The following PSG6 variants were observed in gnomAD, a reference collection of about 807,000 sequenced individuals.
PSG6 encodes the protein pregnancy specific beta-1-glycoprotein 6, also known as pregnancy-specific beta-1-glycoprotein 6.
PSG6 carries 51 observed loss-of-function variants against 43.3 expected under a neutral mutation model. The observed-to-expected ratio is 1.18, with a 90% CI of 0.94 to 1.49. The LOEUF (loss-of-function observed/expected upper bound fraction) is 1.49, where lower values mean the gene tolerates loss of function less well. Among genes scored for constraint, PSG6 ranks in the 40% most tolerant of loss-of-function variants. The probability of loss-of-function intolerance (pLI) is 0.00; values close to 1 mark genes in which losing one functional copy is unlikely to be tolerated. For missense variants in PSG6, 770 were observed against 522.2 expected (o/e 1.47, Z -4.62); for synonymous variants, 292 against 197.6 (o/e 1.48, Z -4.01).
At chr19:42,902,574 T>G in intron 5 of PSG6, 128 bp from the exon 6 acceptor site, 1 of 1,298,530 alleles carries the variant, frequency 7.7e-7, no homozygotes, top group Non-Finnish European at 1.1e-6. Context: ...TCTCTTTAAC[T>G]CCAATGGGTG....
intron 5 of PSG6, 142 bp downstream of exon 5, chr19:42,906,780 G>A (rs1359905294): frequency 6.3e-7 from 1 of 1,591,592 alleles, no homozygotes; most frequent in East Asian, 2.2e-5. Flanking sequence ...AGATAAGTTG[G>A]GAGGGTTCAG....
intron 5 of PSG6, among the ~76,000 whole-genome samples, chr19:42,902,728 A>G (rs1416317082): frequency 6.6e-6 from 1 of 150,736 alleles, no homozygotes; most frequent in South Asian, 2.1e-4. Flanking sequence ...TGCCTGCCCC[A>G]CATTCCCTCA....
At chr19:42,912,715 A>G (rs1972250388) in intron 2 of PSG6, among the ~76,000 whole-genome samples, 1 of 151,814 alleles carries the variant, frequency 6.6e-6, no homozygotes, top group South Asian at 2.1e-4. Flanking sequence ...GTCAGGAAAC[A>G]CCACTAAAAT....
chr19:42,917,395 G>A (rs562246341), intron 1 of PSG6, among the ~76,000 whole-genome samples: 15 of 125,148 alleles, frequency 1.2e-4, no homozygotes, highest in Middle Eastern at 5.0e-3. Flanking sequence ...ATGGAGTCTC[G>A]TACTGTCACC....
At chr19:42,909,142 A>C (rs1278036856) in intron 3 of PSG6, among the ~76,000 whole-genome samples, 1 of 151,698 alleles carries the variant, frequency 6.6e-6, no homozygotes, top group African/African-American at 2.4e-5. Flanking sequence ...TTCAGTGAGC[A>C]TTTCTTTTCA....
intron 3 of PSG6, among the ~76,000 whole-genome samples, chr19:42,908,312 T>G (rs1189954008): frequency 6.6e-6 from 1 of 151,720 alleles, no homozygotes. Context: ...GACTTCCCAT[T>G]GTCCTGAAAC....
intron 5 of PSG6, chr19:42,906,667 C>T: frequency 7.1e-7 from 1 of 1,416,954 alleles, no homozygotes; most frequent in African/African-American, 1.5e-5. Context: ...CCTCTTCTAC[C>T]ACATAGGGCT....
chr19:42,907,356 G>C (rs2122624613), intron 4 of PSG6, among the ~76,000 whole-genome samples, 180 bp from the exon 5 acceptor site: 1 of 151,904 alleles, frequency 6.6e-6, no homozygotes, highest in East Asian at 1.9e-4. Context: ...ATTACAAGCT[G>C]TGGGCCCCTA....
intron 2 of PSG6, chr19:42,915,514 CT>C (rs1343677759): frequency 2.6e-5 from 4 of 155,010 alleles, no homozygotes; most frequent in African/African-American, 9.7e-5. Flanking sequence ...GCTTGTCTTT[CT>C]GTCCTCTCCA....
intron 4 of PSG6, among the ~76,000 whole-genome samples, 185 bp from the exon 5 acceptor site, chr19:42,907,361 C>T (rs1223581957): frequency 1.3e-5 from 2 of 151,924 alleles, no homozygotes; most frequent in South Asian, 2.1e-4. Flanking sequence ...AAGCTGTGGG[C>T]CCCTAGTGTC....
intron 5 of PSG6, among the ~76,000 whole-genome samples, chr19:42,903,427 G>A (rs1337435455): frequency 6.6e-6 from 1 of 151,362 alleles, no homozygotes; most frequent in African/African-American, 2.4e-5. Context: ...CAGTGAATGA[G>A]GGAAATAATA....
At chr19:42,910,494 G>T in intron 3 of PSG6, 86 bp downstream of exon 3, 1 of 1,612,100 alleles carries the variant, frequency 6.2e-7, no homozygotes, top group South Asian at 1.1e-5. Context: ...TCTGTACTTG[G>T]ACCTGAGAGG....
At chr19:42,907,436 G>A in intron 4 of PSG6, 140 bp downstream of exon 4, 1 of 1,512,554 alleles carries the variant, frequency 6.6e-7, no homozygotes, top group Admixed American at 2.1e-5. Flanking sequence ...GGATTTCCCA[G>A]GGCAGGGAGT....
At position 42,907,152 on chromosome 19, in the gene PSG6, T is replaced by A. The variant is rs753094824; in HGVS notation, c.1010A>T (p.Tyr337Phe). ...VLYGPDLPRI[Y>F]PSFTYYRSGE... is the part of the protein sequence containing the mutation. The stretch of plus-strand genomic sequence containing the variant: ...TGAACGGTAATAGGTGAATGAAGGG[T>A]AAATTCTGGGGAGGTCTGGACCATC... The change falls in exon 5 of 6, where the codon TAC becomes TTC. Residue 337 changes from tyrosine to phenylalanine, a missense_variant. Coordinates refer to ENST00000187910, the MANE Select transcript of PSG6 (RefSeq NM_001031850.4). 2 of 1,612,372 alleles carry A rather than the reference T, an allele frequency of 1.2e-6. No homozygotes were observed. The highest frequency in any genetic ancestry group is 1.7e-5 in the Admixed American group (1 of 59,916).
At chr19:42,903,975 C>G (rs900328976) in intron 5 of PSG6, among the ~76,000 whole-genome samples, 2 of 151,514 alleles carry the variant, frequency 1.3e-5, no homozygotes, top group Non-Finnish European at 2.9e-5. Flanking sequence ...TATGAAAGTA[C>G]TATAAATAAT....
chr19:42,917,546 G>T (rs1233484827), intron 1 of PSG6, among the ~76,000 whole-genome samples, 183 bp downstream of exon 1: 1 of 150,580 alleles, frequency 6.6e-6, no homozygotes, highest in African/African-American at 2.4e-5. Flanking sequence ...GTATTTTTTG[G>T]TAGAGACACG....
At chr19:42,911,135 CT>C (rs1972216910) in intron 2 of PSG6, among the ~76,000 whole-genome samples, 1 of 151,618 alleles carries the variant, frequency 6.6e-6, no homozygotes, top group African/African-American at 2.4e-5. Context: ...GTCACAGCCC[CT>C]GGTGCCTCTC....
At chr19:42,902,914 C>G (rs1220122768) in intron 5 of PSG6, among the ~76,000 whole-genome samples, 2 of 151,462 alleles carry the variant, frequency 1.3e-5, no homozygotes, top group East Asian at 1.9e-4. Context: ...TTTTTCATAT[C>G]TATGGAAAAA....
At chr19:42,909,327 T>C (rs1302352688) in intron 3 of PSG6, among the ~76,000 whole-genome samples, 1 of 151,616 alleles carries the variant, frequency 6.6e-6, no homozygotes, top group East Asian at 1.9e-4. Context: ...ATTGCTATTT[T>C]CTATGTCATC....
Sources: gnomAD v4.1 joint callset for allele counts (sites outside exome capture counted in the v4.1 genomes callset) on GRCh38, gnomAD v4.1.1 for gene constraint, MANE v1.5 for transcripts, NCBI Gene and HGNC (gene_info 2026-07-23, HGNC 2026-07-21) for gene names.